The following CACNA2D3 variants were observed in gnomAD, a reference collection of about 807,000 sequenced individuals.
CACNA2D3 encodes the protein voltage-dependent calcium channel subunit alpha-2/delta-3.
CACNA2D3 carries 60 observed loss-of-function variants against 160.6 expected under a neutral mutation model. The ratio of observed to expected loss-of-function variants is 0.37; its 90% confidence interval spans 0.30 to 0.46. CACNA2D3 has a LOEUF of 0.46. CACNA2D3 is among the 20% of genes least tolerant of loss of function. CACNA2D3 has a pLI of 1.00. For missense variants in CACNA2D3, 1,205 were observed against 1,365.0 expected, an observed-to-expected ratio of 0.88 and a Z score of 1.85; for synonymous variants, 558 against 492.9, an observed-to-expected ratio of 1.13 and a Z score of -1.75.
At chr3:54,920,871 G>T (rs756213870) in intron 27 of CACNA2D3, among the ~76,000 whole-genome samples, 1 of 152,162 alleles carries the variant, frequency 6.6e-6, no homozygotes, top group African/African-American at 2.4e-5. Context: ...TCCAGTTCCA[G>T]ACTTTCTGTT....
At chr3:54,442,576 G>A (rs1002550964) in intron 4 of CACNA2D3, among the ~76,000 whole-genome samples, 6 of 152,174 alleles carry the variant, frequency 3.9e-5, no homozygotes, top group African/African-American at 1.2e-4. Context: ...TTAAGCCATG[G>A]TGGGGTGGCT....
intron 8 of CACNA2D3, among the ~76,000 whole-genome samples, chr3:54,580,484 A>C (rs976998607): frequency 6.6e-6 from 1 of 151,762 alleles, no homozygotes; most frequent in Non-Finnish European, 1.5e-5. Flanking sequence ...TAAAGCACAA[A>C]CTCCCGAGGC....
chr3:54,764,601 C>G (rs1018600190), intron 13 of CACNA2D3, among the ~76,000 whole-genome samples: 1 of 152,168 alleles, frequency 6.6e-6, no homozygotes, highest in African/African-American at 2.4e-5. Context: ...CTTGTCTTTT[C>G]TCGTTACTTC....
chr3:54,580,034 C>T (rs571781065), intron 8 of CACNA2D3, among the ~76,000 whole-genome samples: 1 of 152,126 alleles, frequency 6.6e-6, no homozygotes, highest in Non-Finnish European at 1.5e-5. Context: ...GCATTGAGGA[C>T]CTGTTGTGAG....
chr3:55,010,261 A>G (rs1161124942), intron 34 of CACNA2D3, among the ~76,000 whole-genome samples: 1 of 152,154 alleles, frequency 6.6e-6, no homozygotes, highest in African/African-American at 2.4e-5. Context: ...GAGGGTGAGG[A>G]TGAAAAAACT....
intron 2 of CACNA2D3, among the ~76,000 whole-genome samples, chr3:54,290,898 G>A (rs933283798): frequency 6.6e-6 from 1 of 151,304 alleles, no homozygotes; most frequent in Non-Finnish European, 1.5e-5. Context: ...ATTCCACACC[G>A]GGGCCTGTTG....
chr3:54,841,310 C>T (rs994113960), intron 16 of CACNA2D3, among the ~76,000 whole-genome samples: 24 of 152,182 alleles, frequency 1.6e-4, no homozygotes, highest in African/African-American at 2.2e-4. Context: ...ATGAAGGAAA[C>T]GAAGCATAAC....
At chr3:54,368,783 G>A (rs1698871138) in intron 3 of CACNA2D3, among the ~76,000 whole-genome samples, 1 of 129,342 alleles carries the variant, frequency 7.7e-6, no homozygotes, top group Non-Finnish European at 1.6e-5. Context: ...CTCACTGCAA[G>A]CTCCGCCTCC....
intron 2 of CACNA2D3, among the ~76,000 whole-genome samples, chr3:54,236,919 G>C (rs1701890339): frequency 6.6e-6 from 1 of 152,110 alleles, no homozygotes; most frequent in African/African-American, 2.4e-5. Flanking sequence ...GTTAAAATGA[G>C]GGTGATAATA....
intron 17 of CACNA2D3, among the ~76,000 whole-genome samples, chr3:54,866,519 C>T (rs925611071): frequency 6.6e-6 from 1 of 152,198 alleles, no homozygotes; most frequent in African/African-American, 2.4e-5. Flanking sequence ...CTCTCCCACC[C>T]CATCCCCTTC....
intron 4 of CACNA2D3, among the ~76,000 whole-genome samples, chr3:54,402,539 A>G (rs1487984408): frequency 6.6e-6 from 1 of 152,206 alleles, no homozygotes; most frequent in East Asian, 1.9e-4. Flanking sequence ...CAAAAGACAA[A>G]TAGGGTCACT....
Position 54,736,099 on chromosome 3 carries a change from ACATATATATG to A in CACNA2D3, c.1168-16499_1168-16490del, listed in dbSNP as rs1201798799. On this transcript the variant is annotated intron_variant, in intron 11 of 37. Coordinates refer to ENST00000474759, the MANE Select transcript of CACNA2D3 (RefSeq NM_018398.3). Reference sequence around the variant, plus strand: ...CATATATATGTATGTGTATATATATACATATATATGTATATATATACATATATATATGTAT... The same window carrying A: ...CATATATATGTATGTGTATATATATATATATATATACATATATATATGTAT... 5.7e-3 allele frequency among the ~76,000 whole-genome samples: 91 copies of A among 15,974 alleles called. 14 individuals carry two copies. The highest frequency in any genetic ancestry group is 9.0e-3 in the Non-Finnish European group (57 of 6,352). 10.5% of individuals were successfully genotyped at this position (15,974 alleles called of 152,430 possible).
At chr3:54,750,561 C>G (rs946450659) in intron 11 of CACNA2D3, among the ~76,000 whole-genome samples, 2 of 152,098 alleles carry the variant, frequency 1.3e-5, no homozygotes, top group African/African-American at 4.8e-5. Context: ...AAAGCAGATA[C>G]CAGTGCTATC....
At chr3:54,337,005 A>G (rs558809480) in intron 3 of CACNA2D3, among the ~76,000 whole-genome samples, 1 of 152,242 alleles carries the variant, frequency 6.6e-6, no homozygotes, top group East Asian at 1.9e-4. Context: ...CCTTGCATGG[A>G]CCAGTGATGA....
chr3:54,180,698 T>G (rs1344587773), intron 2 of CACNA2D3, among the ~76,000 whole-genome samples: 2 of 152,236 alleles, frequency 1.3e-5, no homozygotes, highest in African/African-American at 4.8e-5. Flanking sequence ...CTGCTTCTTC[T>G]GAGTCTTCTA....
In CACNA2D3 at chr3:54,505,414, G is replaced by A. The variant is rs553847481; in HGVS notation, c.544+1760G>A. 5.9e-5 allele frequency among the ~76,000 whole-genome samples: 9 copies of A among 152,240 alleles called. 1 individual carries two copies. In the South Asian group the frequency reaches 1.9e-3, roughly 32 times the overall value. The stretch of plus-strand genomic sequence containing the variant: ...CTTTTTTCCTCTTAGAGAAAGTGAT[G>A]TGAATCTAAACAAATCCTAGAGGGC... On this transcript the variant is annotated intron_variant, in intron 5 of 37. Transcript: ENST00000474759.
intron 4 of CACNA2D3, among the ~76,000 whole-genome samples, chr3:54,410,425 C>G (rs1699647493): frequency 6.6e-6 from 1 of 152,048 alleles, no homozygotes; most frequent in Non-Finnish European, 1.5e-5. Context: ...CGGGCTGACT[C>G]TCTTATTAGG....
At chr3:54,422,093 T>A (rs1699844352) in intron 4 of CACNA2D3, among the ~76,000 whole-genome samples, 1 of 152,248 alleles carries the variant, frequency 6.6e-6, no homozygotes. Context: ...AGTGTCTGCA[T>A]GTCAGGGTTC....
intron 2 of CACNA2D3, among the ~76,000 whole-genome samples, chr3:54,211,175 CT>C (rs60436775): frequency 5.3e-5 from 8 of 151,202 alleles, no homozygotes; most frequent in South Asian, 2.1e-4. Context: ...TATTTCCCCT[CT>C]TTTTTTTTAA....
Sources: allele counts gnomAD v4.1 joint callset (sites outside exome capture counted in the v4.1 genomes callset), GRCh38; gene constraint gnomAD v4.1.1; transcripts MANE v1.5; gene names NCBI Gene and HGNC (gene_info 2026-07-23, HGNC 2026-07-21).